DEPDC1B: variants seen among roughly 807,000 people sequenced by gnomAD.
DEPDC1B encodes the protein DEP domain-containing protein 1B.
DEPDC1B carries 51 observed loss-of-function variants against 66.5 expected under a neutral mutation model. The ratio of observed to expected loss-of-function variants is 0.77; its 90% CI spans 0.61 to 0.97. The LOEUF is 0.97. DEPDC1B is among the 50% of genes least tolerant of loss of function. The pLI is 0.00. For synonymous variants in DEPDC1B, 226 were observed against 223.6 expected, an observed-to-expected ratio of 1.01 and a Z score of -0.10; for missense variants, 552 against 637.1, an observed-to-expected ratio of 0.87 and a Z score of 1.44.
intron 7 of DEPDC1B, among the ~76,000 whole-genome samples, chr5:60,626,960 C>T (rs1373153619): frequency 2.6e-5 from 4 of 151,996 alleles, no homozygotes; most frequent in Non-Finnish European, 5.9e-5. Context: ...GGGAAAAGGG[C>T]TGAGGTTGGG....
At chr5:60,654,759 G>T (rs1753538444) in intron 2 of DEPDC1B, among the ~76,000 whole-genome samples, 1 of 148,762 alleles carries the variant, frequency 6.7e-6, no homozygotes, top group African/African-American at 2.5e-5. Flanking sequence ...TGTTGGCTGT[G>T]GGTATGTCAT....
At chr5:60,608,285 A>C (rs1752350657) in intron 7 of DEPDC1B, among the ~76,000 whole-genome samples, 1 of 152,120 alleles carries the variant, frequency 6.6e-6, no homozygotes, top group Non-Finnish European at 1.5e-5. Context: ...GGCAGATTTC[A>C]CCTTATCCTT....
intron 1 of DEPDC1B, among the ~76,000 whole-genome samples, chr5:60,698,925 T>C (rs981428659): frequency 1.3e-5 from 2 of 152,168 alleles, no homozygotes. Context: ...TTAAATCATG[T>C]AAAATTTCAT....
chr5:60,622,498 A>G (rs1438402448), intron 7 of DEPDC1B, among the ~76,000 whole-genome samples: 1 of 152,224 alleles, frequency 6.6e-6, no homozygotes, highest in Admixed American at 6.5e-5. Context: ...ATTATGAATA[A>G]AGCTGCTATG....
At chr5:60,639,056 TATTA>T (rs1301557173) in intron 6 of DEPDC1B, among the ~76,000 whole-genome samples, 166 bp from the exon 7 acceptor site, 1 of 152,254 alleles carries the variant, frequency 6.6e-6, no homozygotes. Flanking sequence ...TCTACACTGA[TATTA>T]ATTAAATAGG....
chr5:60,616,254 C>T (rs549571613), intron 7 of DEPDC1B, among the ~76,000 whole-genome samples: 2 of 152,174 alleles, frequency 1.3e-5, no homozygotes, highest in Admixed American at 1.3e-4. Flanking sequence ...TCCAAAGGAA[C>T]GCAGCTCCTC....
At chr5:60,693,288 G>C (rs1430429036) in intron 1 of DEPDC1B, among the ~76,000 whole-genome samples, 1 of 152,118 alleles carries the variant, frequency 6.6e-6, no homozygotes, top group Non-Finnish European at 1.5e-5. Context: ...AAGAGAGTAG[G>C]GAGGTTGGAG....
At chr5:60,611,727 T>C (rs1202166963) in intron 7 of DEPDC1B, among the ~76,000 whole-genome samples, 1 of 152,190 alleles carries the variant, frequency 6.6e-6, no homozygotes, top group Non-Finnish European at 1.5e-5. Flanking sequence ...TCTTCAATTC[T>C]ATAAAGGCTG....
chr5:60,652,919 G>T (rs1251293502), intron 2 of DEPDC1B, among the ~76,000 whole-genome samples: 1 of 149,276 alleles, frequency 6.7e-6, no homozygotes, highest in African/African-American at 2.5e-5. Context: ...CCAGATTGCT[G>T]CAAATGTCAT....
At chr5:60,690,547 G>A (rs370684188) in intron 1 of DEPDC1B, among the ~76,000 whole-genome samples, 6 of 152,216 alleles carry the variant, frequency 3.9e-5, no homozygotes, top group Admixed American at 3.3e-4. Context: ...TTTTAGGAAC[G>A]TAGGCTCCCT....
chr5:60,602,826 G>A (rs889509610), intron 9 of DEPDC1B, among the ~76,000 whole-genome samples: 32 of 152,144 alleles, frequency 2.1e-4, no homozygotes, highest in African/African-American at 7.7e-4. Context: ...CTTGCCCAGA[G>A]TCACACGACA....
At chr5:60,697,176 C>T (rs1192142974) in intron 1 of DEPDC1B, among the ~76,000 whole-genome samples, 1 of 152,124 alleles carries the variant, frequency 6.6e-6, no homozygotes, top group African/African-American at 2.4e-5. Context: ...AAATGGATAA[C>T]TAGCTTCACA....
intron 7 of DEPDC1B, among the ~76,000 whole-genome samples, chr5:60,635,064 G>GA (rs371444479): frequency 0.55 from 63,159 of 115,764 alleles, 15,539 homozygotes; most frequent in East Asian, 0.63. Context: ...CATCTCAAGA[G>GA]AAAAAAAAAA....
chr5:60,627,899 G>A (rs1752838994), intron 7 of DEPDC1B, among the ~76,000 whole-genome samples: 1 of 152,110 alleles, frequency 6.6e-6, no homozygotes. Flanking sequence ...GCCACTTAAT[G>A]AGAAAACTGG....
At chr5:60,634,139 G>A (rs1395726075) in intron 7 of DEPDC1B, among the ~76,000 whole-genome samples, 1 of 152,158 alleles carries the variant, frequency 6.6e-6, no homozygotes, top group Non-Finnish European at 1.5e-5. Context: ...ATCTCTGGGT[G>A]ACCAGTACCC....
chr5:60,681,331 GAA>G (rs769306156), intron 2 of DEPDC1B, among the ~76,000 whole-genome samples: 37 of 152,238 alleles, frequency 2.4e-4, no homozygotes, highest in Middle Eastern at 3.4e-3. Context: ...TACATCATCA[GAA>G]AAGCCTTGCC....
chr5:60,672,006 T>G (rs1420652479), intron 2 of DEPDC1B, among the ~76,000 whole-genome samples: 2 of 152,206 alleles, frequency 1.3e-5, no homozygotes, highest in Non-Finnish European at 2.9e-5. Context: ...TGTCCATTCA[T>G]TGACACACCG....
chr5:60,635,782 T>TA (rs1561368724), intron 7 of DEPDC1B, among the ~76,000 whole-genome samples: 2 of 152,110 alleles, frequency 1.3e-5, no homozygotes, highest in East Asian at 1.9e-4. Flanking sequence ...AAATTTTTTT[T>TA]AAAAAAACAG....
chr5:60,691,233 T>C (rs934668567), intron 1 of DEPDC1B, among the ~76,000 whole-genome samples: 1 of 152,120 alleles, frequency 6.6e-6, no homozygotes, highest in African/African-American at 2.4e-5. Context: ...TTTATATTTT[T>C]AGTAGAGATG....
Sources: allele counts gnomAD v4.1 joint callset (sites outside exome capture counted in the v4.1 genomes callset), GRCh38; gene constraint gnomAD v4.1.1; transcripts MANE v1.5; gene names NCBI Gene and HGNC (gene_info 2026-07-23, HGNC 2026-07-21).